NPC1L1: variants seen among roughly 807,000 people sequenced by gnomAD.
The protein encoded by NPC1L1 is NPC1-like intracellular cholesterol transporter 1.
Under a neutral mutation model 117.0 loss-of-function variants are expected in NPC1L1, and 98 were observed. That is an observed-to-expected ratio of 0.84 (90% confidence interval 0.71 to 0.99). NPC1L1 has a LOEUF of 0.99. Among genes scored for constraint, NPC1L1 ranks in the 50% least tolerant of loss-of-function variants. The pLI, the probability that NPC1L1 is intolerant of heterozygous loss-of-function variation, is 0.00. For synonymous variants in NPC1L1, 729 were observed against 727.6 expected (o/e 1.00, Z -0.03); for missense variants, 1,540 against 1,710.0 (o/e 0.90, Z 1.75).
Position 44,538,453 on chromosome 7 carries a change from A to G in NPC1L1, c.1580+364T>C, listed in dbSNP as rs1324491206. On this transcript the variant is annotated intron_variant, in intron 2 of 18. Coordinates refer to ENST00000381160, the MANE Select transcript of NPC1L1 (RefSeq NM_001101648.2). This position sits in a 1 kb window ranked among gnomAD's most constrained non-coding sequence, Gnocchi z 5.9. ...GGCCCCTGGCACAGAAACAAGAAGC[A>G]AAACATAGCAAATATAAATATGTAC... Among the ~76,000 whole-genome samples the G allele has an allele frequency of 6.6e-6, 1 of 152,278 alleles. No homozygotes were observed. Among genetic ancestry groups the G allele is most frequent in the Non-Finnish European group, 1.5e-5 (1 of 68,054 alleles).
chr7:44,527,988 C>A (rs895241001), intron 10 of NPC1L1, among the ~76,000 whole-genome samples: 3 of 152,134 alleles, frequency 2.0e-5, no homozygotes, highest in African/African-American at 7.2e-5. Context: ...CCATGCCTGG[C>A]TAATTTTTGT....
chr7:44,522,632 C>T (rs530232036), intron 10 of NPC1L1, among the ~76,000 whole-genome samples: 19 of 152,220 alleles, frequency 1.2e-4, no homozygotes, highest in South Asian at 4.1e-4. Context: ...ACAGTTACAC[C>T]GGAACACAGT....
At chr7:44,520,636 A>G in intron 14 of NPC1L1, 129 bp downstream of exon 14, 1 of 825,688 alleles carries the variant, frequency 1.2e-6, no homozygotes, top group Non-Finnish European at 2.1e-6. Flanking sequence ...CCCTGCTGAC[A>G]GGGCCAGCGC....
intron 10 of NPC1L1, among the ~76,000 whole-genome samples, chr7:44,527,442 CA>C (rs1251488118): frequency 2.4e-5 from 1 of 41,652 alleles, no homozygotes; most frequent in Non-Finnish European, 4.5e-5. Context: ...GGGTGGGCAA[CA>C]AGAGCAAAAC....
At chr7:44,519,966 G>A (rs556520744) in intron 14 of NPC1L1, among the ~76,000 whole-genome samples, 19 of 151,806 alleles carry the variant, frequency 1.3e-4, no homozygotes, top group East Asian at 1.9e-4. Context: ...CACCACACCC[G>A]GGCAATTTTT....
intron 18 of NPC1L1, 149 bp downstream of exon 18, chr7:44,515,654 G>T: frequency 1.1e-6 from 1 of 950,480 alleles, no homozygotes; most frequent in Non-Finnish European, 1.7e-6. Context: ...TAGCTTCCAA[G>T]ACAGAATTGC....
intron 10 of NPC1L1, among the ~76,000 whole-genome samples, chr7:44,527,039 A>T (rs1483700991): frequency 2.6e-5 from 4 of 152,092 alleles, no homozygotes; most frequent in African/African-American, 7.2e-5. Context: ...TAAATAAAAA[A>T]TTTTAAAAAA....
intron 8 of NPC1L1, chr7:44,533,144 A>T: frequency 2.9e-6 from 1 of 350,326 alleles, no homozygotes; most frequent in Non-Finnish European, 5.5e-6. Flanking sequence ...TCAACTGCTT[A>T]GACAGTCGGT....
chr7:44,521,037 A>G lies in NPC1L1; in HGVS notation c.3035T>C (p.Leu1012Pro), dbSNP rs1383190032. The G allele has an allele frequency of 6.2e-7, 1 of 1,614,010 alleles. No homozygotes were observed. The highest frequency in any genetic ancestry group is 1.7e-5 in the Admixed American group (1 of 59,984). The change falls in exon 13 of 19, where the codon CTT becomes CCT. Residue 1012 changes from leucine (L) to proline (P), a missense_variant. Coordinates refer to ENST00000381160, the MANE Select transcript of NPC1L1 (RefSeq NM_001101648.2). ...RPSVEQFHKY[L>P]PWFLNDRPNI... ...GGGCCGGTCGTTCAGGAACCAGGGA[A>G]GATACTTATGGAACTGCTCCACCGA...
Position 44,534,258 on chromosome 7 carries a change from T to C in NPC1L1, c.2166+189A>G, listed in dbSNP as rs538573550. 1.3e-5 allele frequency among the ~76,000 whole-genome samples: 2 copies of C among 152,256 alleles called. No homozygotes were observed. Among genetic ancestry groups the C allele is most frequent in the East Asian group, 3.9e-4 (2 of 5,180 alleles). ...TTAACAGAAAGCTAATTCCAGATGG[T>C]AGAGGCAGGATGAAGTCATTTATGT... On this transcript the variant is annotated intron_variant, in intron 6 of 18. Transcript: ENST00000381160. The surrounding 1 kb of genome is among the most constrained non-coding windows in gnomAD (Gnocchi z 5.2).
At position 44,534,750 on chromosome 7, in the gene NPC1L1, C is replaced by T. The variant is rs1801820191; in HGVS notation, c.1984-121G>A. ...CCTCAGTGCCTGCAGGTGCCCGATA[C>T]TGCCCCCAGTGGTGAGGAGCTCACA... On this transcript the variant is annotated intron_variant, in intron 5 of 18. Coordinates refer to ENST00000381160, the MANE Select transcript of NPC1L1 (RefSeq NM_001101648.2). This position sits in a 1 kb window ranked among gnomAD's most constrained non-coding sequence, Gnocchi z 5.2. 1.1e-5 allele frequency: 11 copies of T among 966,562 alleles called. No homozygotes were observed. The highest frequency in any genetic ancestry group is 1.7e-5 in the Non-Finnish European group (11 of 633,150). The allele number at this position is 966,562 out of a possible 1,614,324, so 59.9% of individuals were successfully genotyped here.
At position 44,534,171 on chromosome 7, in the gene NPC1L1, T is replaced by C. The variant is rs1017852269; in HGVS notation, c.2166+276A>G. Among the ~76,000 whole-genome samples, 9 of 152,212 alleles carry C rather than the reference T, an allele frequency of 5.9e-5. No homozygotes were observed. Among genetic ancestry groups the C allele is most frequent in the Non-Finnish European group, 1.0e-4 (7 of 68,038 alleles). On this transcript the variant is annotated intron_variant, in intron 6 of 18. Coordinates refer to ENST00000381160, the MANE Select transcript of NPC1L1 (RefSeq NM_001101648.2). The surrounding 1 kb of genome is among the most constrained non-coding windows in gnomAD (Gnocchi z 5.2). ...TACCATGGAATGCTACCTAGCAGCA[T>C]AAAGACAGGAGGAGGCTGTAATGTA...
chr7:44,527,287 C>T (rs959829985), intron 10 of NPC1L1, among the ~76,000 whole-genome samples: 2 of 151,622 alleles, frequency 1.3e-5, no homozygotes, highest in African/African-American at 4.8e-5. Context: ...GGAGAAACCC[C>T]ATCTCTACTA....
chr7:44,534,657 A>T lies in NPC1L1; in HGVS notation c.1984-28T>A. ...GCAATGCAAACAGGCTCAGCCCCCT[A>T]GCCACTTAGCACCTACCCAGTATGC... is the stretch of plus-strand genomic sequence containing the variant. On this transcript the variant is annotated intron_variant, in intron 5 of 18. Coordinates refer to ENST00000381160, the MANE Select transcript of NPC1L1 (RefSeq NM_001101648.2). This position sits in a 1 kb window ranked among gnomAD's most constrained non-coding sequence, Gnocchi z 5.2. The T allele has an allele frequency of 6.2e-7, 1 of 1,612,374 alleles. No homozygotes were observed. Among genetic ancestry groups the T allele is most frequent in the Non-Finnish European group, 8.5e-7 (1 of 1,179,512 alleles).
intron 10 of NPC1L1, among the ~76,000 whole-genome samples, chr7:44,525,738 A>G (rs1436635382): frequency 6.6e-6 from 1 of 152,192 alleles, no homozygotes; most frequent in African/African-American, 2.4e-5. Context: ...AAAATAAAAT[A>G]AGTTTTTTAA....
chr7:44,539,998 C>T lies in NPC1L1; in HGVS notation c.399G>A (p.Gln133=). 6.2e-7 allele frequency: 1 copy of T among 1,614,226 alleles called. No homozygotes were observed. Among genetic ancestry groups the T allele is most frequent in the African/African-American group, 1.3e-5 (1 of 75,058 alleles). The part of the protein sequence containing the change: ...LHCHNTCSPN[Q]SLFINVTRVA... ...CGCGGGTCACATTGATGAAGAGGCT[C>T]TGATTGGGGCTGCACGTGTTGTGGC... is the stretch of plus-strand genomic sequence containing the variant. Residue 133 remains glutamine (Q), a synonymous_variant, in exon 2 of 19, where the codon CAG becomes CAA. Coordinates refer to ENST00000381160, the MANE Select transcript of NPC1L1 (RefSeq NM_001101648.2). This position sits in a 1 kb window ranked among gnomAD's most constrained non-coding sequence, Gnocchi z 4.4.
At chr7:44,520,624 A>G in intron 14 of NPC1L1, 141 bp downstream of exon 14, 1 of 776,518 alleles carries the variant, frequency 1.3e-6, no homozygotes, top group East Asian at 2.5e-5. Context: ...GGGAAACAAG[A>G]CCCCTGCTGA....
chr7:44,512,548 A>G lies in NPC1L1; in HGVS notation c.*899T>C, dbSNP rs1339070998. 1.3e-5 allele frequency: 2 copies of G among 152,254 alleles called. No homozygotes were observed. The highest frequency in any genetic ancestry group is 3.8e-4 in the East Asian group (2 of 5,200). 9.4% of individuals were successfully genotyped at this position (152,254 alleles called of 1,614,324 possible). A position where few individuals can be genotyped will look rare whatever the true frequency, so the allele number is the denominator to read the frequency against. ...CATAAAACACCATTTCTGCCAACAA[A>G]TGTTTATTAAACACCTATGTGCACA... On this transcript the variant is annotated 3_prime_UTR_variant, in exon 19 of 19. Transcript: ENST00000381160.
Position 44,532,101 on chromosome 7 carries a change from G to C in NPC1L1, c.2526C>G (p.His842Gln). 1 of 1,614,208 alleles carries C rather than the reference G, an allele frequency of 6.2e-7. No individual in the cohort carries two copies. Among genetic ancestry groups the C allele is most frequent in the Non-Finnish European group, 8.5e-7 (1 of 1,180,048 alleles). Residue 842 changes from histidine to glutamine, a missense_variant, in exon 9 of 19, where the codon CAC (histidine) becomes CAG (glutamine). Around this residue, in one of 3 missense-constraint regions of NPC1L1, gnomAD observed 742 missense variants for 873.6 expected, o/e 0.85. Coordinates refer to ENST00000381160, the MANE Select transcript of NPC1L1 (RefSeq NM_001101648.2). Reference sequence around the variant, plus strand: ...TCACCACAACACCTCGAGTGATCCAGTGCAGCAGGAAGGGGGCATAAGCCT... The same window carrying C: ...TCACCACAACACCTCGAGTGATCCACTGCAGCAGGAAGGGGGCATAAGCCT... The part of the protein sequence containing the change: ...FQKAYAPFLL[H>Q]WITRGVVLLL...
Sources: allele counts gnomAD v4.1 joint callset (sites outside exome capture counted in the v4.1 genomes callset), GRCh38; gene constraint gnomAD v4.1.1; regional missense constraint gnomAD v4.1.1; non-coding constraint Gnocchi (gnomAD v3.1); transcripts MANE v1.5; gene names NCBI Gene and HGNC (gene_info 2026-07-23, HGNC 2026-07-21).